The following FGF12 variants were observed in gnomAD, a reference collection of about 807,000 sequenced individuals.
FGF12 encodes fibroblast growth factor 12B.
A neutral mutation model predicts 23.6 loss-of-function variants in FGF12; 14 were observed. That is an observed-to-expected ratio of 0.59 (90% confidence interval 0.39 to 0.93). FGF12 has a LOEUF of 0.93. Among genes scored for constraint, FGF12 ranks in the 40% least tolerant of loss-of-function variants. The probability of loss-of-function intolerance (pLI) is 0.00; values close to 1 mark genes in which losing one functional copy is unlikely to be tolerated. For missense variants in FGF12, 175 were observed against 217.8 expected (o/e 0.80, Z 1.24); for synonymous variants, 62 against 77.3 (o/e 0.80, Z 1.04).
chr3:192,157,607 G>A (rs888519408), intron 5 of FGF12, among the ~76,000 whole-genome samples: 6 of 152,040 alleles, frequency 3.9e-5, no homozygotes, highest in African/African-American at 9.7e-5. Context: ...CCTTGCCATC[G>A]TGATGGCTCA....
intron 2 of FGF12, among the ~76,000 whole-genome samples, chr3:192,643,963 A>G (rs1180616162): frequency 6.6e-6 from 1 of 152,222 alleles, no homozygotes; most frequent in Admixed American, 6.5e-5. Flanking sequence ...AAACCAAGTG[A>G]CTTCAGAACT....
intron 2 of FGF12, among the ~76,000 whole-genome samples, chr3:192,723,874 A>AGAGAGAGAG (rs1553849494): frequency 1.5e-5 from 2 of 131,050 alleles, no homozygotes; most frequent in African/African-American, 2.8e-5. Flanking sequence ...AGAGAGAGAG[A>AGAGAGAGAG]GAGAGGAGAG....
chr3:192,485,670 CATTT>C (rs1271516652), intron 2 of FGF12, among the ~76,000 whole-genome samples: 1 of 151,988 alleles, frequency 6.6e-6, no homozygotes, highest in Non-Finnish European at 1.5e-5. Context: ...AGCAGGCAAA[CATTT>C]AGTTAAGTAT....
At chr3:192,720,595 G>A (rs1405460237) in intron 2 of FGF12, among the ~76,000 whole-genome samples, 1 of 152,182 alleles carries the variant, frequency 6.6e-6, no homozygotes, top group Non-Finnish European at 1.5e-5. Flanking sequence ...TGTCATCTTA[G>A]CCTCAAACTC....
intron 2 of FGF12, among the ~76,000 whole-genome samples, chr3:192,613,623 T>C (rs1714633299): frequency 6.6e-6 from 1 of 151,878 alleles, no homozygotes; most frequent in Non-Finnish European, 1.5e-5. Context: ...AATTTACAAA[T>C]ATTTACCAAG....
At chr3:192,616,682 TAAGA>T in intron 2 of FGF12, among the ~76,000 whole-genome samples, 1 of 152,098 alleles carries the variant, frequency 6.6e-6, no homozygotes, top group Admixed American at 6.6e-5. Flanking sequence ...GGTAGTAAAG[TAAGA>T]GAGTTCTTTT....
At chr3:192,584,757 T>A (rs543468376) in intron 2 of FGF12, among the ~76,000 whole-genome samples, 132 of 152,224 alleles carry the variant, frequency 8.7e-4, no homozygotes, top group African/African-American at 3.0e-3. Context: ...GATTTTTTCC[T>A]TTCTCTGCTC....
At chr3:192,363,832 G>A (rs932711522) in intron 2 of FGF12, among the ~76,000 whole-genome samples, 3 of 152,202 alleles carry the variant, frequency 2.0e-5, no homozygotes, top group Admixed American at 2.0e-4. Flanking sequence ...AGCATCCTGG[G>A]TACATTCAAC....
intron 2 of FGF12, among the ~76,000 whole-genome samples, chr3:192,436,610 G>C (rs1454667958): frequency 6.6e-6 from 1 of 152,202 alleles, no homozygotes; most frequent in East Asian, 1.9e-4. Flanking sequence ...GTGTTTCTAA[G>C]GTGTATCCAG....
chr3:192,532,199 G>C (rs1181346241), intron 2 of FGF12, among the ~76,000 whole-genome samples: 1 of 152,038 alleles, frequency 6.6e-6, no homozygotes, highest in African/African-American at 2.4e-5. Context: ...CTCCAGATTT[G>C]TTGTTTTTGC....
intron 2 of FGF12, among the ~76,000 whole-genome samples, chr3:192,597,774 A>G (rs1233034986): frequency 6.6e-6 from 1 of 152,240 alleles, no homozygotes; most frequent in Admixed American, 6.5e-5. Context: ...GCAGAAAACA[A>G]ATGCACTGAT....
At chr3:192,294,862 A>C (rs988063447) in intron 4 of FGF12, among the ~76,000 whole-genome samples, 1 of 152,188 alleles carries the variant, frequency 6.6e-6, no homozygotes, top group Non-Finnish European at 1.5e-5. Flanking sequence ...TTTAACACTA[A>C]GAGGGCTCCC....
chr3:192,674,246 T>C (rs1395469410), intron 2 of FGF12, among the ~76,000 whole-genome samples: 2 of 152,206 alleles, frequency 1.3e-5, no homozygotes, highest in African/African-American at 4.8e-5. Context: ...ATGTTAAAAG[T>C]ACTGATGCCA....
intron 2 of FGF12, among the ~76,000 whole-genome samples, chr3:192,471,588 C>T (rs1312428963): frequency 6.6e-6 from 1 of 152,194 alleles, no homozygotes; most frequent in African/African-American, 2.4e-5. Flanking sequence ...CAAGTGGTCA[C>T]AGAATTGAAG....
chr3:192,179,009 T>C (rs1716016729), intron 4 of FGF12, among the ~76,000 whole-genome samples: 2 of 152,212 alleles, frequency 1.3e-5, no homozygotes, highest in Admixed American at 1.3e-4. Flanking sequence ...TAATGGCCTT[T>C]AGATGGAGAG....
chr3:192,591,498 A>C (rs1442629363), intron 2 of FGF12, among the ~76,000 whole-genome samples: 1 of 151,818 alleles, frequency 6.6e-6, no homozygotes, highest in Non-Finnish European at 1.5e-5. Context: ...AAGAGACAGG[A>C]AATAAGCTGG....
intron 4 of FGF12, among the ~76,000 whole-genome samples, chr3:192,207,137 A>C (rs1480074518): frequency 6.6e-6 from 1 of 152,254 alleles, no homozygotes; most frequent in African/African-American, 2.4e-5. Flanking sequence ...TTAGCATTTG[A>C]ATATCCATCC....
At chr3:192,596,439 T>G (rs560207533) in intron 2 of FGF12, among the ~76,000 whole-genome samples, 2 of 152,158 alleles carry the variant, frequency 1.3e-5, no homozygotes, top group Admixed American at 6.6e-5. Context: ...TGTGGTTTCC[T>G]AAGCTTTTCA....
chr3:192,405,954 G>A (rs1187372906), intron 2 of FGF12, among the ~76,000 whole-genome samples: 3 of 152,150 alleles, frequency 2.0e-5, no homozygotes, highest in Non-Finnish European at 2.9e-5. Context: ...CCTTGCACTG[G>A]GAATGTCTTA....
Sources: gnomAD v4.1 joint callset for allele counts (sites outside exome capture counted in the v4.1 genomes callset) on GRCh38, gnomAD v4.1.1 for gene constraint, MANE v1.5 for transcripts, NCBI Gene and HGNC (gene_info 2026-07-23, HGNC 2026-07-21) for gene names.